Variants in MAL2 observed in about 807,000 individuals in gnomAD.
MAL2 encodes protein MAL2.
Under a neutral mutation model 18.1 loss-of-function variants are expected in MAL2, and 17 were observed. The observed-to-expected ratio is 0.94, with a 90% CI of 0.64 to 1.41. The LOEUF is 1.41. Ranked by LOEUF, MAL2 falls within the 40% of genes most tolerant of loss-of-function variation. The pLI is 0.00. For missense variants in MAL2, 222 were observed against 231.9 expected, an observed-to-expected ratio of 0.96 and a Z score of 0.28; for synonymous variants, 102 against 102.3, an observed-to-expected ratio of 1.00 and a Z score of 0.02.
chr8:119,219,428 T>C (rs977174072), intron 1 of MAL2, among the ~76,000 whole-genome samples: 7 of 152,182 alleles, frequency 4.6e-5, no homozygotes, highest in Non-Finnish European at 1.0e-4. Flanking sequence ...TGAGTATTGA[T>C]TTTTAATATT....
chr8:119,222,345 A>G (rs956180982), intron 2 of MAL2, among the ~76,000 whole-genome samples: 9 of 151,998 alleles, frequency 5.9e-5, no homozygotes, highest in African/African-American at 1.7e-4. Flanking sequence ...CCTGGCCAAC[A>G]TGGTGACACC....
At position 119,233,471 on chromosome 8, in the gene MAL2, G is replaced by A. The variant is rs531549869; in HGVS notation, c.304-6694G>A. 4.8e-4 allele frequency among the ~76,000 whole-genome samples: 73 copies of A among 152,142 alleles called. 1 individual carries two copies. In the South Asian group the frequency reaches 0.01, roughly 21 times the overall value. On this transcript the variant is annotated intron_variant, in intron 2 of 3. Coordinates refer to ENST00000614891, the MANE Select transcript of MAL2 (RefSeq NM_052886.3). ...GAAAAGAGAGAAGAATCAAATAGAC[G>A]CAATAAAAAATGACGAAGGGGATAG...
intron 2 of MAL2, among the ~76,000 whole-genome samples, chr8:119,234,498 T>A (rs1335362377): frequency 6.6e-6 from 1 of 152,208 alleles, no homozygotes; most frequent in Non-Finnish European, 1.5e-5. Context: ...GCTCCACCTC[T>A]GGGGGCAGGG....
chr8:119,239,483 C>T (rs372965206), intron 2 of MAL2, among the ~76,000 whole-genome samples: 23 of 152,068 alleles, frequency 1.5e-4, no homozygotes, highest in East Asian at 1.2e-3. Flanking sequence ...ATGTTTATTG[C>T]GGCATTATTC....
chr8:119,239,560 C>T (rs1290184478), intron 2 of MAL2, among the ~76,000 whole-genome samples: 1 of 151,872 alleles, frequency 6.6e-6, no homozygotes, highest in Non-Finnish European at 1.5e-5. Context: ...GAAAATGTGG[C>T]ACATATACAC....
intron 2 of MAL2, among the ~76,000 whole-genome samples, chr8:119,234,063 A>G (rs958799159): frequency 1.3e-5 from 2 of 152,148 alleles, no homozygotes; most frequent in South Asian, 2.1e-4. Flanking sequence ...TCATCTCACT[A>G]GGGAGTGCCA....
intron 2 of MAL2, among the ~76,000 whole-genome samples, chr8:119,232,201 G>A (rs571812309): frequency 2.0e-5 from 3 of 151,498 alleles, no homozygotes; most frequent in South Asian, 2.1e-4. Flanking sequence ...ACATGTACAC[G>A]ATAAATATGT....
At chr8:119,231,309 G>A (rs1237806584) in intron 2 of MAL2, among the ~76,000 whole-genome samples, 1 of 152,228 alleles carries the variant, frequency 6.6e-6, no homozygotes, top group Non-Finnish European at 1.5e-5. Flanking sequence ...TGGGATTACA[G>A]GCGTGAGCCA....
intron 3 of MAL2, among the ~76,000 whole-genome samples, chr8:119,242,875 A>T (rs79066417): frequency 0.014 from 2,091 of 152,334 alleles, 48 homozygotes; most frequent in African/African-American, 0.048. Flanking sequence ...GTGCTGAAGA[A>T]ATTCTCATTA....
chr8:119,211,092 G>A (rs1320428402), intron 1 of MAL2, among the ~76,000 whole-genome samples: 2 of 152,150 alleles, frequency 1.3e-5, no homozygotes, highest in Non-Finnish European at 2.9e-5. Flanking sequence ...TTGAGTGGAT[G>A]TACAGATAGA....
chr8:119,221,278 A>G (rs1817459567), intron 1 of MAL2: 1 of 233,000 alleles, frequency 4.3e-6, no homozygotes, highest in Non-Finnish European at 8.4e-6. Flanking sequence ...GAATCAGTAA[A>G]GTCAAAGGAA....
At chr8:119,232,159 A>T (rs1817745529) in intron 2 of MAL2, among the ~76,000 whole-genome samples, 1 of 152,052 alleles carries the variant, frequency 6.6e-6, no homozygotes, top group Admixed American at 6.6e-5. Flanking sequence ...CCCACAATGT[A>T]TAAATATTCC....
At chr8:119,240,352 C>G in intron 3 of MAL2, 32 bp downstream of exon 3, 1 of 1,602,234 alleles carries the variant, frequency 6.2e-7, no homozygotes, top group Non-Finnish European at 8.5e-7. Context: ...GTACCATTCA[C>G]CAGCACTTCC....
intron 2 of MAL2, among the ~76,000 whole-genome samples, chr8:119,235,691 C>T (rs1485358419): frequency 6.6e-6 from 1 of 151,254 alleles, no homozygotes; most frequent in Admixed American, 6.6e-5. Context: ...TCCAGCCAAA[C>T]TAAGCTTCCT....
intron 3 of MAL2, among the ~76,000 whole-genome samples, chr8:119,241,760 A>G (rs1172851243): frequency 6.6e-6 from 1 of 152,238 alleles, no homozygotes; most frequent in East Asian, 1.9e-4. Flanking sequence ...TGAAAGGTTT[A>G]TAGTGTAGAT....
chr8:119,237,104 G>T (rs1280979950), intron 2 of MAL2, among the ~76,000 whole-genome samples: 1 of 152,096 alleles, frequency 6.6e-6, no homozygotes, highest in Non-Finnish European at 1.5e-5. Context: ...TGACAAAGGG[G>T]ATATCAGCAC....
rs1204953926 is a variant in MAL2, at chr8:119,243,411, T to C, written c.460-6T>C. Reference sequence around the variant, plus strand: ...CTGATGTGAATTTTTGTTTCTTTTTTCTTAGATTTTTGCCTTTATGACGAC... The same window carrying C: ...CTGATGTGAATTTTTGTTTCTTTTTCCTTAGATTTTTGCCTTTATGACGAC... On this transcript the variant is annotated splice_polypyrimidine_tract_variant and splice_region_variant and intron_variant, in intron 3 of 3. Transcript: ENST00000614891. 8 of 1,580,404 alleles carry C rather than the reference T, an allele frequency of 5.1e-6. No homozygotes were observed. Among genetic ancestry groups the C allele is most frequent in the Non-Finnish European group, 6.9e-6 (8 of 1,161,386 alleles).
At chr8:119,231,145 C>T (rs1053815006) in intron 2 of MAL2, among the ~76,000 whole-genome samples, 1 of 152,156 alleles carries the variant, frequency 6.6e-6, no homozygotes, top group East Asian at 1.9e-4. Context: ...CATTCTCCTG[C>T]CTCAGCCTCC....
intron 1 of MAL2, among the ~76,000 whole-genome samples, chr8:119,212,389 A>G (rs774966854): frequency 1.3e-5 from 2 of 152,228 alleles, no homozygotes; most frequent in Non-Finnish European, 2.9e-5. Flanking sequence ...TCTTATTCAC[A>G]TGCTTCTAAC....
Sources: allele counts gnomAD v4.1 joint callset (sites outside exome capture counted in the v4.1 genomes callset), GRCh38; gene constraint gnomAD v4.1.1; transcripts MANE v1.5; gene names NCBI Gene and HGNC (gene_info 2026-07-23, HGNC 2026-07-21).